The following TBC1D13 variants were observed in gnomAD, a reference collection of about 807,000 sequenced individuals.
The protein encoded by TBC1D13 is TBC1 domain family member 13, also known as epididymis secretory sperm binding protein.
Under a neutral mutation model 53.6 loss-of-function variants are expected in TBC1D13, and 40 were observed. The ratio of observed to expected loss-of-function variants is 0.75; its 90% CI spans 0.58 to 0.97. The LOEUF is 0.97. Ranked by LOEUF, TBC1D13 falls within the 50% of genes least tolerant of loss-of-function variation. The pLI is 0.00. For missense variants in TBC1D13, 377 were observed against 499.4 expected, an observed-to-expected ratio of 0.75 and a Z score of 2.34; for synonymous variants, 182 against 197.7, an observed-to-expected ratio of 0.92 and a Z score of 0.67.
chr9:128,795,452 T>C (rs1829612284), intron 6 of TBC1D13, among the ~76,000 whole-genome samples: 1 of 16,356 alleles, frequency 6.1e-5, no homozygotes, highest in Non-Finnish European at 1.6e-4. Context: ...TTTTTTTTTT[T>C]TTTTTTTTTT....
At chr9:128,807,361 A>T (rs1021773578) in intron 11 of TBC1D13, among the ~76,000 whole-genome samples, 1 of 152,140 alleles carries the variant, frequency 6.6e-6, no homozygotes, top group Non-Finnish European at 1.5e-5. Flanking sequence ...TGCTGAGATT[A>T]CAGGTGTGAG....
At position 128,797,095 on chromosome 9, in the gene TBC1D13, G is replaced by A. The variant is rs1829644051; in HGVS notation, c.424G>A (p.Asp142Asn). The change falls in exon 7 of 12, where the codon GAC becomes AAC. Residue 142 changes from aspartate to asparagine, a missense_variant. Asp to Asn is a conservative substitution (Grantham distance 23). Coordinates refer to ENST00000372648, the MANE Select transcript of TBC1D13 (RefSeq NM_018201.5). ...CATTTCCTTCTTCCAGAGGGCCACT[G>A]ACTACCCTTGCCTCCTCATCCTGGA... is the stretch of plus-strand genomic sequence containing the variant. The part of the protein sequence containing the change: ...PDISFFQRAT[D>N]YPCLLILDPQ... 1 of 1,613,942 alleles carries A rather than the reference G, an allele frequency of 6.2e-7. No individual in the cohort carries two copies. The highest frequency in any genetic ancestry group is 1.3e-5 in the African/African-American group (1 of 74,888).
chr9:128,800,200 A>T (rs1159705644), intron 7 of TBC1D13, among the ~76,000 whole-genome samples: 1 of 152,086 alleles, frequency 6.6e-6, no homozygotes, highest in Admixed American at 6.6e-5. Context: ...GGGTTCTCGC[A>T]TATGGGTCAC....
At chr9:128,794,632 C>T (rs767262415) in intron 6 of TBC1D13, among the ~76,000 whole-genome samples, 4 of 151,328 alleles carry the variant, frequency 2.6e-5, no homozygotes, top group African/African-American at 7.3e-5. Flanking sequence ...TGTGCCACAA[C>T]GCCTGGCTGA....
In TBC1D13 at chr9:128,804,003, G is replaced by A. The variant is rs1168736755; in HGVS notation, c.802G>A (p.Glu268Lys). Residue 268 changes from glutamate (E) to lysine (K), a missense_variant, in exon 9 of 12, where the codon GAG (glutamate) becomes AAG (lysine). Physicochemically the swap from Glu to Lys is moderately conservative, Grantham distance 56. Transcript: ENST00000372648. ...TFFCFTNLMA[E>K]IRDNFIKSLD... ...TTTCTGCTTCACCAACCTCATGGCC[G>A]AGATCCGGGACAACTTTATCAAGAG... The A allele has an allele frequency of 3.1e-6, 5 of 1,613,952 alleles. No homozygotes were observed. The highest frequency in any genetic ancestry group is 2.2e-5 in the East Asian group (1 of 44,878).
intron 9 of TBC1D13, 138 bp downstream of exon 9, chr9:128,804,257 A>G: frequency 9.9e-7 from 1 of 1,012,212 alleles, no homozygotes; most frequent in Non-Finnish European, 1.4e-6. Context: ...ACGCTGACCC[A>G]TGTGCTGAGG....
chr9:128,788,530 ATTAC>A (rs1829471725), intron 2 of TBC1D13, 123 bp downstream of exon 2: 2 of 795,844 alleles, frequency 2.5e-6, no homozygotes, highest in Non-Finnish European at 4.1e-6. Flanking sequence ...TTGGAAGGAA[ATTAC>A]ACACAGACTC....
chr9:128,793,156 C>T (rs1040394005), intron 6 of TBC1D13, among the ~76,000 whole-genome samples: 1 of 152,192 alleles, frequency 6.6e-6, no homozygotes, highest in South Asian at 2.1e-4. Flanking sequence ...CCAGAGAGCC[C>T]GCAGAGCTTG....
At position 128,788,396 on chromosome 9, in the gene TBC1D13, T is replaced by G; in HGVS notation, c.86T>G (p.Leu29Arg). 1 of 1,613,944 alleles carries G rather than the reference T, an allele frequency of 6.2e-7. No homozygotes were observed. Among genetic ancestry groups the G allele is most frequent in the Non-Finnish European group, 8.5e-7 (1 of 1,179,844 alleles). The change falls in exon 2 of 12, where the codon CTC becomes CGC. Residue 29 changes from leucine to arginine, a missense_variant. Leu to Arg is a moderately radical substitution (Grantham distance 102). Transcript: ENST00000372648. ...PSIALEKLRELSFSGIPCEGG... is the reference protein window; with the variant it reads ...PSIALEKLRERSFSGIPCEGG... ...ATTGCATTGGAAAAGCTGCGGGAAC[T>G]CAGCTTTAGTGGTAAGAAGCCATTC...
In TBC1D13 at chr9:128,808,457, T is replaced by TGTGTGTGTGTGTGTGTGTG. The variant is rs1554796455; in HGVS notation, c.*578_*579insGTGTGTGTGTGTGTGTGTG. 14 of 51,128 alleles carry TGTGTGTGTGTGTGTGTGTG rather than the reference T, an allele frequency of 2.7e-4. No homozygotes were observed. The highest frequency in any genetic ancestry group is 4.7e-4 in the South Asian group (1 of 2,108). 3.2% of individuals were successfully genotyped at this position (51,128 alleles called of 1,614,324 possible). A position where few individuals can be genotyped will look rare whatever the true frequency, so the allele number is the denominator to read the frequency against. On this transcript the variant is annotated 3_prime_UTR_variant, in exon 12 of 12. Transcript: ENST00000372648. ...TGTGTGTGTGTGTGTGTGTGTGTGT[T>TGTGTGTGTGTGTGTGTGTG]AGGGAGTGAGGGTCTCTCAGGCCTC...
chr9:128,790,722 G>T lies in TBC1D13; in HGVS notation c.98-13G>T. On this transcript the variant is annotated splice_polypyrimidine_tract_variant and intron_variant, in intron 2 of 11. Coordinates refer to ENST00000372648, the MANE Select transcript of TBC1D13 (RefSeq NM_018201.5). ...CTGGCCTGGGGCATGACCTTTGCCT[G>T]CTGTGTCCACAGGCATCCCCTGTGA... The T allele has an allele frequency of 6.5e-7, 1 of 1,544,366 alleles. No homozygotes were observed. The highest frequency in any genetic ancestry group is 8.7e-7 in the Non-Finnish European group (1 of 1,153,254).
chr9:128,796,664 G>A (rs1478295094), intron 6 of TBC1D13, among the ~76,000 whole-genome samples: 1 of 152,082 alleles, frequency 6.6e-6, no homozygotes, highest in African/African-American at 2.4e-5. Context: ...TGCTGGCCAG[G>A]TACAGTGGCT....
chr9:128,791,728 A>G, intron 5 of TBC1D13, 35 bp downstream of exon 5: 1 of 1,594,554 alleles, frequency 6.3e-7, no homozygotes, highest in Middle Eastern at 1.7e-4. Flanking sequence ...CCCAGGATAC[A>G]GAATGTGGAG....
chr9:128,798,171 C>T (rs557877036), intron 7 of TBC1D13, among the ~76,000 whole-genome samples: 9 of 151,928 alleles, frequency 5.9e-5, no homozygotes, highest in East Asian at 1.9e-4. Context: ...TAGAATTGCT[C>T]GAACCCGGGA....
chr9:128,794,255 T>G (rs1324025973), intron 6 of TBC1D13, among the ~76,000 whole-genome samples: 2 of 152,130 alleles, frequency 1.3e-5, no homozygotes, highest in Non-Finnish European at 2.9e-5. Flanking sequence ...TGGGTGCTGC[T>G]CCTCAGCCCA....
chr9:128,792,444 C>T (rs752463626), intron 5 of TBC1D13, 48 bp from the exon 6 acceptor site: 64 of 1,581,284 alleles, frequency 4.0e-5, no homozygotes, highest in African/African-American at 1.3e-4. Flanking sequence ...AATCGGGCCC[C>T]GGGGCCTAGC....
chr9:128,806,203 C>T, intron 10 of TBC1D13, 51 bp from the exon 11 acceptor site: 4 of 1,612,964 alleles, frequency 2.5e-6, no homozygotes, highest in East Asian at 2.2e-5. Context: ...TGGGCAGGGC[C>T]TGCACTCAGA....
intron 2 of TBC1D13, among the ~76,000 whole-genome samples, chr9:128,790,394 T>C (rs1218711812): frequency 6.6e-6 from 1 of 151,896 alleles, no homozygotes; most frequent in African/African-American, 2.4e-5. Context: ...GCCAACATGG[T>C]GAAACCTTGT....
Position 128,809,027 on chromosome 9 carries a change from C to T in TBC1D13, c.*1148C>T, listed in dbSNP as rs34334292. ...TGCTTCAGAAGAGTTGTCATTCCCT[C>T]GGCTTCCAGGTCCCAACCCAGGGTT... On this transcript the variant is annotated 3_prime_UTR_variant, in exon 12 of 12. Coordinates refer to ENST00000372648, the MANE Select transcript of TBC1D13 (RefSeq NM_018201.5). 2.0e-5 allele frequency: 3 copies of T among 152,170 alleles called. No homozygotes were observed. The highest frequency in any genetic ancestry group is 7.2e-5 in the African/African-American group (3 of 41,442). 9.4% of individuals were successfully genotyped at this position (152,170 alleles called of 1,614,324 possible). A position where few individuals can be genotyped will look rare whatever the true frequency, so the allele number is the denominator to read the frequency against.
Sources: gnomAD v4.1 joint callset for allele counts (sites outside exome capture counted in the v4.1 genomes callset) on GRCh38, gnomAD v4.1.1 for gene constraint, MANE v1.5 for transcripts, NCBI Gene and HGNC (gene_info 2026-07-23, HGNC 2026-07-21) for gene names.